C8orf34: variants seen among roughly 807,000 people sequenced by gnomAD.
C8orf34 encodes the protein uncharacterized protein C8orf34.
A neutral mutation model predicts 68.3 loss-of-function variants in C8orf34; 65 were observed. The observed-to-expected ratio is 0.95, with a 90% CI of 0.78 to 1.17. The LOEUF is 1.17. Ranked by LOEUF, C8orf34 falls within the 50% of genes most tolerant of loss-of-function variation. The pLI is 0.00. For missense variants in C8orf34, 664 were observed against 655.4 expected, an observed-to-expected ratio of 1.01 and a Z score of -0.14; for synonymous variants, 244 against 241.2, an observed-to-expected ratio of 1.01 and a Z score of -0.11.
chr8:68,775,846 C>A (rs1372926959), intron 10 of C8orf34, among the ~76,000 whole-genome samples: 3 of 152,146 alleles, frequency 2.0e-5, no homozygotes, highest in African/African-American at 2.4e-5. Flanking sequence ...GAGATCATGT[C>A]CTTTGCAGGG....
intron 8 of C8orf34, among the ~76,000 whole-genome samples, chr8:68,686,598 A>T (rs889216036): frequency 6.6e-6 from 1 of 152,124 alleles, no homozygotes; most frequent in East Asian, 1.9e-4. Flanking sequence ...AAAAGCTCTC[A>T]ATAAACTAGG....
At chr8:68,747,763 A>G (rs1822552997) in intron 10 of C8orf34, among the ~76,000 whole-genome samples, 2 of 151,646 alleles carry the variant, frequency 1.3e-5, no homozygotes, top group African/African-American at 2.4e-5. Flanking sequence ...AGAACATTCC[A>G]TGCTCATGGG....
intron 10 of C8orf34, among the ~76,000 whole-genome samples, chr8:68,739,461 C>A (rs1285512897): frequency 6.6e-6 from 1 of 151,878 alleles, no homozygotes; most frequent in Non-Finnish European, 1.5e-5. Context: ...AAGGCAAGAG[C>A]CCAATCAGCA....
chr8:68,755,937 G>C (rs1181352946), intron 10 of C8orf34, among the ~76,000 whole-genome samples: 1 of 151,944 alleles, frequency 6.6e-6, no homozygotes, highest in African/African-American at 2.4e-5. Context: ...CGTGATGGCG[G>C]GCGCCTGTAG....
At chr8:68,465,261 A>T (rs1262774180) in intron 3 of C8orf34, among the ~76,000 whole-genome samples, 1 of 151,794 alleles carries the variant, frequency 6.6e-6, no homozygotes, top group Non-Finnish European at 1.5e-5. Context: ...ATACCATCTC[A>T]CACCAGTTAG....
intron 10 of C8orf34, among the ~76,000 whole-genome samples, chr8:68,762,176 T>A (rs1274714756): frequency 6.6e-6 from 1 of 152,194 alleles, no homozygotes; most frequent in Non-Finnish European, 1.5e-5. Context: ...GGGGCCTTGA[T>A]TAGCTCGATT....
rs201327583 is a variant in C8orf34, at chr8:68,709,091, G to T, written c.1327+12G>T. ...CCCAGATTCATTCGGTAAGTTTTAA[G>T]TCCAACAATATTTATTGCAGTTCTA... On this transcript the variant is annotated intron_variant, in intron 9 of 13. Transcript: ENST00000518698. 3.1e-4 allele frequency: 500 copies of T among 1,595,636 alleles called. No individual in the cohort carries two copies. Among genetic ancestry groups the T allele is most frequent in the Non-Finnish European group, 4.2e-4 (489 of 1,164,526 alleles).
At chr8:68,417,131 G>C (rs1809707199) in intron 1 of C8orf34, among the ~76,000 whole-genome samples, 1 of 152,012 alleles carries the variant, frequency 6.6e-6, no homozygotes, top group Admixed American at 6.6e-5. Flanking sequence ...TCATTTTAAA[G>C]ATACCAAAAT....
At chr8:68,355,100 A>G (rs1397457930) in intron 1 of C8orf34, among the ~76,000 whole-genome samples, 1 of 152,180 alleles carries the variant, frequency 6.6e-6, no homozygotes, top group Non-Finnish European at 1.5e-5. Flanking sequence ...TACAGTGGAT[A>G]TGTTTTAATT....
intron 7 of C8orf34, among the ~76,000 whole-genome samples, chr8:68,602,058 G>T (rs965781389): frequency 5.9e-5 from 9 of 152,070 alleles, no homozygotes; most frequent in African/African-American, 2.2e-4. Flanking sequence ...TGCCTCGTGG[G>T]GCCTACTGAC....
At chr8:68,616,761 A>C (rs998135449) in intron 7 of C8orf34, among the ~76,000 whole-genome samples, 3 of 152,102 alleles carry the variant, frequency 2.0e-5, no homozygotes, top group African/African-American at 7.2e-5. Context: ...AAAAATGTAT[A>C]TTCTGTTGAT....
chr8:68,339,475 A>C (rs1805983418), intron 1 of C8orf34, among the ~76,000 whole-genome samples: 1 of 134,626 alleles, frequency 7.4e-6, no homozygotes, highest in African/African-American at 2.7e-5. Context: ...TACACTAAAA[A>C]GTATAAAAAC....
At chr8:68,628,763 C>T (rs534020657) in intron 7 of C8orf34, among the ~76,000 whole-genome samples, 222 of 152,258 alleles carry the variant, frequency 1.5e-3, no homozygotes, top group African/African-American at 5.1e-3. Flanking sequence ...TCACTCATCT[C>T]CCACATTGTC....
intron 1 of C8orf34, among the ~76,000 whole-genome samples, chr8:68,408,399 C>T (rs1260739233): frequency 6.6e-6 from 1 of 151,958 alleles, no homozygotes. Flanking sequence ...ACCATCCCCG[C>T]CACACACCCC....
chr8:68,760,948 C>T (rs1823007897), intron 10 of C8orf34, among the ~76,000 whole-genome samples: 2 of 152,116 alleles, frequency 1.3e-5, no homozygotes, highest in African/African-American at 4.8e-5. Flanking sequence ...CCTAGCTCTA[C>T]CTTGGAATCT....
In C8orf34 at chr8:68,376,598, T is replaced by A. The variant is rs553006881; in HGVS notation, c.327+45259T>A. ...TGCCTCCCTTTTCTTTTATGTTCTGTGCATCTTTCTCCTTTTTTTTTTTTA... is the reference window on the plus strand; with the variant it reads ...TGCCTCCCTTTTCTTTTATGTTCTGAGCATCTTTCTCCTTTTTTTTTTTTA... On this transcript the variant is annotated intron_variant, in intron 1 of 13. Coordinates refer to ENST00000518698, the MANE Select transcript of C8orf34 (RefSeq NM_052958.4). Among the ~76,000 whole-genome samples, 93 of 151,952 alleles carry A rather than the reference T, an allele frequency of 6.1e-4. 1 individual carries two copies. In the East Asian group the frequency reaches 0.015, roughly 24 times the overall value.
chr8:68,769,500 A>G (rs945939913), intron 10 of C8orf34, among the ~76,000 whole-genome samples: 1 of 152,092 alleles, frequency 6.6e-6, no homozygotes, highest in Non-Finnish European at 1.5e-5. Flanking sequence ...TAATAAAAAT[A>G]TACTTATTCA....
intron 8 of C8orf34, among the ~76,000 whole-genome samples, chr8:68,669,754 A>G (rs1332071650): frequency 3.3e-5 from 5 of 152,148 alleles, no homozygotes; most frequent in Admixed American, 1.3e-4. Flanking sequence ...TAGTATGTCA[A>G]TGGAGTTTTT....
Position 68,417,939 on chromosome 8 carries a change from T to C in C8orf34, c.328-21560T>C, listed in dbSNP as rs552032461. 1.7e-3 allele frequency among the ~76,000 whole-genome samples: 257 copies of C among 151,548 alleles called. 4 individuals are homozygous for C. The highest frequency in any genetic ancestry group is 6.2e-3 in the African/African-American group (253 of 41,086). ...TCCTACCCATGAGCATGGAATGGTC[T>C]TCCATTTGTTTGTATCCTCTTTTAT... On this transcript the variant is annotated intron_variant, in intron 1 of 13. Transcript: ENST00000518698.
Sources: allele counts gnomAD v4.1 joint callset (sites outside exome capture counted in the v4.1 genomes callset), GRCh38; gene constraint gnomAD v4.1.1; transcripts MANE v1.5; gene names NCBI Gene and HGNC (gene_info 2026-07-23, HGNC 2026-07-21).